The following SLC6A6 variants were observed in gnomAD, a reference collection of about 807,000 sequenced individuals.
SLC6A6 encodes sodium- and chloride-dependent taurine transporter.
SLC6A6 carries 16 observed loss-of-function variants against 68.8 expected under a neutral mutation model. That is an observed-to-expected ratio of 0.23 (90% CI 0.16 to 0.35). The LOEUF is 0.35. SLC6A6 is among the 10% of genes least tolerant of loss of function. SLC6A6 has a pLI of 1.00. For missense variants in SLC6A6, 474 were observed against 802.8 expected (o/e 0.59, Z 4.95); for synonymous variants, 312 against 315.4 (o/e 0.99, Z 0.12).
At chr3:14,420,294 G>C (rs566722665) in intron 2 of SLC6A6, among the ~76,000 whole-genome samples, 3 of 152,154 alleles carry the variant, frequency 2.0e-5, no homozygotes, top group Non-Finnish European at 4.4e-5. Flanking sequence ...TTAGCTGTGC[G>C]TGATGGTGCG....
intron 2 of SLC6A6, among the ~76,000 whole-genome samples, chr3:14,428,341 C>T (rs552261144): frequency 3.3e-5 from 5 of 152,330 alleles, no homozygotes; most frequent in South Asian, 2.1e-4. Context: ...GCATGGTGCC[C>T]AAGAGATGCT....
chr3:14,447,273 C>T (rs964643924), intron 4 of SLC6A6, among the ~76,000 whole-genome samples: 3 of 151,886 alleles, frequency 2.0e-5, no homozygotes, highest in African/African-American at 7.3e-5. Context: ...TCCAAACATC[C>T]AACCATCCAA....
intron 2 of SLC6A6, among the ~76,000 whole-genome samples, chr3:14,428,363 C>T (rs898486818): frequency 1.3e-5 from 2 of 152,212 alleles, no homozygotes; most frequent in Admixed American, 6.5e-5. Context: ...AGCAGGGCCT[C>T]GGCTCAGAGC....
chr3:14,467,655 G>A (rs1700651214), intron 7 of SLC6A6, among the ~76,000 whole-genome samples, 198 bp from the exon 8 acceptor site: 1 of 152,202 alleles, frequency 6.6e-6, no homozygotes, highest in South Asian at 2.1e-4. Context: ...GGGAGGTGGG[G>A]TGTTTGATTT....
rs779820391 is a variant in SLC6A6, at chr3:14,466,590, C to T, written c.807C>T (p.Gly269=). The change falls in exon 7 of 15, where the codon GGC becomes GGT. Residue 269 remains glycine, a synonymous_variant. Coordinates refer to ENST00000622186, the MANE Select transcript of SLC6A6 (RefSeq NM_003043.6). ...VLLVRGLTLP[G]AGAGIKFYLY... is the part of the protein sequence containing the mutation. ...TGGTCCGAGGGCTGACGCTGCCGGGCGCGGGCGCAGGCATCAAGTTCTATC... is the reference window on the plus strand; with the variant it reads ...TGGTCCGAGGGCTGACGCTGCCGGGTGCGGGCGCAGGCATCAAGTTCTATC... The T allele has an allele frequency of 1.1e-5, 18 of 1,612,674 alleles. No individual in the cohort carries two copies. Among genetic ancestry groups the T allele is most frequent in the African/African-American group, 2.7e-5 (2 of 74,928 alleles).
intron 10 of SLC6A6, among the ~76,000 whole-genome samples, chr3:14,476,300 T>C (rs1700877626): frequency 6.6e-6 from 1 of 152,218 alleles, no homozygotes; most frequent in Admixed American, 6.5e-5. Flanking sequence ...TCAATGGCGA[T>C]GCCTACCCAC....
chr3:14,416,777 G>T (rs550984286), intron 2 of SLC6A6, among the ~76,000 whole-genome samples: 1 of 152,374 alleles, frequency 6.6e-6, no homozygotes, highest in East Asian at 1.9e-4. Flanking sequence ...CAAGTCTGCC[G>T]TGGGGAGGAT....
At chr3:14,461,183 G>A (rs1475880594) in intron 6 of SLC6A6, among the ~76,000 whole-genome samples, 1 of 152,256 alleles carries the variant, frequency 6.6e-6, no homozygotes, top group Non-Finnish European at 1.5e-5. Flanking sequence ...AAGCGCAGTA[G>A]CCTGTGAGTG....
chr3:14,427,103 G>A (rs1224072572), intron 2 of SLC6A6, among the ~76,000 whole-genome samples: 1 of 152,120 alleles, frequency 6.6e-6, no homozygotes, highest in Non-Finnish European at 1.5e-5. Flanking sequence ...GGTGCTGGGT[G>A]TCTTCCGCAC....
chr3:14,438,269 T>A (rs1417987506), intron 2 of SLC6A6, among the ~76,000 whole-genome samples: 1 of 152,118 alleles, frequency 6.6e-6, no homozygotes, highest in East Asian at 1.9e-4. Flanking sequence ...TGTGCTGGGC[T>A]GTGTGCTGAA....
chr3:14,417,549 G>A (rs1357677995), intron 2 of SLC6A6, among the ~76,000 whole-genome samples: 9 of 151,934 alleles, frequency 5.9e-5, no homozygotes, highest in Non-Finnish European at 1.3e-4. Context: ...GGCTAACACG[G>A]TGAAACCCTG....
At chr3:14,404,649 G>A (rs1699065229) in intron 1 of SLC6A6, among the ~76,000 whole-genome samples, 1 of 152,198 alleles carries the variant, frequency 6.6e-6, no homozygotes, top group Non-Finnish European at 1.5e-5. Flanking sequence ...TGGTTTCTTT[G>A]AGCCTCGGCT....
Position 14,466,967 on chromosome 3 carries a change from C to A in SLC6A6, c.867+317C>A, listed in dbSNP as rs553006460. Among the ~76,000 whole-genome samples the A allele has an allele frequency of 3.3e-5, 5 of 152,314 alleles. No individual in the cohort carries two copies. In the South Asian group the frequency reaches 1.0e-3, roughly 32 times the overall value. ...TGATGAGCAAGTCTCCCGCTCGGACCCAGCTTCTGCCCACTGCAGCCACAA... is the reference window on the plus strand; with the variant it reads ...TGATGAGCAAGTCTCCCGCTCGGACACAGCTTCTGCCCACTGCAGCCACAA... On this transcript the variant is annotated intron_variant, in intron 7 of 14. Transcript: ENST00000622186.
rs990094844 is a variant in SLC6A6 at position 14,472,928 on chromosome 3, C to G, written c.1209+611C>G. On this transcript the variant is annotated intron_variant, in intron 10 of 14. Transcript: ENST00000622186. This position sits in a 1 kb window ranked among gnomAD's most constrained non-coding sequence, Gnocchi z 4.5. ...ACAGGCCGGGAGCCTCGCTCAAACC[C>G]GCCCTGACCTCTGGCTGTCCTGGCT... Among the ~76,000 whole-genome samples, 1 of 152,222 alleles carries G rather than the reference C, an allele frequency of 6.6e-6. No homozygotes were observed. Among genetic ancestry groups the G allele is most frequent in the South Asian group, 2.1e-4 (1 of 4,836 alleles).
chr3:14,462,871 G>A (rs1700527911), intron 6 of SLC6A6, among the ~76,000 whole-genome samples: 1 of 152,118 alleles, frequency 6.6e-6, no homozygotes, highest in Admixed American at 6.5e-5. Context: ...CTAGATGTGT[G>A]GGTGGATGGC....
chr3:14,417,528 G>A (rs962204383), intron 2 of SLC6A6, among the ~76,000 whole-genome samples: 4 of 152,050 alleles, frequency 2.6e-5, no homozygotes, highest in South Asian at 2.1e-4. Context: ...TCAGGAGATC[G>A]AGACCATCCT....
At chr3:14,446,972 A>C (rs1038235861) in intron 4 of SLC6A6, among the ~76,000 whole-genome samples, 2 of 152,180 alleles carry the variant, frequency 1.3e-5, no homozygotes, top group East Asian at 1.9e-4. Context: ...ACCACTCAGT[A>C]ATTAGACTAT....
intron 3 of SLC6A6, 180 bp downstream of exon 3, chr3:14,444,043 C>G: frequency 1.7e-6 from 1 of 591,594 alleles, no homozygotes. Flanking sequence ...AGGGGATAAG[C>G]CCGACTGAGA....
At chr3:14,451,449 G>C (rs554593022) in intron 5 of SLC6A6, among the ~76,000 whole-genome samples, 2 of 152,360 alleles carry the variant, frequency 1.3e-5, no homozygotes, top group African/African-American at 4.8e-5. Context: ...GAAAGCACAT[G>C]AGTATTTGGG....
Sources: allele counts gnomAD v4.1 joint callset (sites outside exome capture counted in the v4.1 genomes callset), GRCh38; gene constraint gnomAD v4.1.1; non-coding constraint Gnocchi (gnomAD v3.1); transcripts MANE v1.5; gene names NCBI Gene and HGNC (gene_info 2026-07-23, HGNC 2026-07-21).